ZFP1: variants seen among roughly 807,000 people sequenced by gnomAD.
ZFP1 encodes the protein zinc finger protein 1 homolog.
In ZFP1, 32 loss-of-function variants were observed where a neutral mutation model predicts 38.5. That is an observed-to-expected ratio of 0.83 (90% confidence interval 0.63 to 1.12). ZFP1 has a LOEUF of 1.12. Among genes scored for constraint, ZFP1 ranks in the 50% most tolerant of loss-of-function variants. The pLI is 0.00. For synonymous variants in ZFP1, 245 were observed against 168.8 expected, an observed-to-expected ratio of 1.45 and a Z score of -3.50; for missense variants, 616 against 480.8, an observed-to-expected ratio of 1.28 and a Z score of -2.63.
the ZFP1 span, among the ~76,000 whole-genome samples, chr16:75,121,133 GT>G: frequency 6.6e-6 from 1 of 151,626 alleles, no homozygotes; most frequent in Non-Finnish European, 1.5e-5. Context: ...AATAAAACTA[GT>G]CTCCTTATAC....
At chr16:75,166,489 A>C in intron 2 of ZFP1, 4 of 966,744 alleles carry the variant, frequency 4.1e-6, no homozygotes, top group Non-Finnish European at 4.9e-6. Flanking sequence ...CTAGCCTCCC[A>C]AAGTGCTGGG....
At chr16:75,139,248 A>C in the ZFP1 span, among the ~76,000 whole-genome samples, 1 of 151,660 alleles carries the variant, frequency 6.6e-6, no homozygotes. Flanking sequence ...GGGTGCCTGT[A>C]GTCCCAGCTA....
chr16:75,169,536 C>G lies in ZFP1; in HGVS notation c.426C>G (p.Leu142=). The change falls in exon 4 of 4, where the codon CTC becomes CTG. Residue 142 remains leucine (L), a synonymous_variant. Transcript: ENST00000570010. ...GTAATGAATTTGGAAAAGCACTTCT[C>G]TACCTGAAGCAAGAGAAAACCCACA... ...DECNEFGKAL[L]YLKQEKTHSG... is the part of the protein sequence containing the mutation. The G allele has an allele frequency of 3.1e-6, 5 of 1,612,724 alleles. No homozygotes were observed. Among genetic ancestry groups the G allele is most frequent in the Non-Finnish European group, 4.2e-6 (5 of 1,179,772 alleles).
intron 2 of ZFP1, among the ~76,000 whole-genome samples, chr16:75,161,154 G>A (rs1232808629): frequency 1.3e-5 from 2 of 152,006 alleles, no homozygotes; most frequent in African/African-American, 2.4e-5. Context: ...TGCCACCTCC[G>A]CCTTCCGGGT....
chr16:75,125,245 C>T, the ZFP1 span, among the ~76,000 whole-genome samples: 5 of 149,472 alleles, frequency 3.3e-5, no homozygotes, highest in African/African-American at 1.3e-4. Flanking sequence ...GACAACAGAG[C>T]AAGACTCTAT....
At chr16:75,125,772 G>C in the ZFP1 span, among the ~76,000 whole-genome samples, 1 of 151,934 alleles carries the variant, frequency 6.6e-6, no homozygotes, top group African/African-American at 2.4e-5. Flanking sequence ...GCCGGGTGCG[G>C]TGGCTCATGA....
At chr16:75,130,983 G>T in the ZFP1 span, among the ~76,000 whole-genome samples, 1 of 152,018 alleles carries the variant, frequency 6.6e-6, no homozygotes, top group African/African-American at 2.4e-5. Context: ...ACCTTTTAGG[G>T]CCTGATATCC....
chr16:75,166,003 T>TA (rs2038058552), intron 2 of ZFP1, among the ~76,000 whole-genome samples: 3 of 152,136 alleles, frequency 2.0e-5, no homozygotes, highest in Admixed American at 6.5e-5. Context: ...CATGTATTTT[T>TA]TAAAAAAATT....
the ZFP1 span, chr16:75,119,648 T>G: frequency 1.3e-5 from 2 of 152,350 alleles, no homozygotes; most frequent in African/African-American, 2.4e-5. Flanking sequence ...TCTTAATTTC[T>G]CCTTACCACT....
At position 75,171,605 on chromosome 16, in the gene ZFP1, A is replaced by G. The variant is rs1009028096; in HGVS notation, c.*1271A>G. Reference sequence around the variant, plus strand: ...GTAACTCAAAGATTTGCTTTTATAGACTTGATTTCAAATTCTTAAGTTCAG... The same window carrying G: ...GTAACTCAAAGATTTGCTTTTATAGGCTTGATTTCAAATTCTTAAGTTCAG... On this transcript the variant is annotated 3_prime_UTR_variant, in exon 4 of 4. Transcript: ENST00000570010. 6.6e-6 allele frequency: 1 copy of G among 152,232 alleles called. No homozygotes were observed. The highest frequency in any genetic ancestry group is 1.5e-5 in the Non-Finnish European group (1 of 68,042). The allele number at this position is 152,232 out of a possible 1,614,324, so 9.4% of individuals were successfully genotyped here.
upstream of ZFP1, among the ~76,000 whole-genome samples, chr16:75,146,162 ATTTT>A (rs201868781): frequency 4.2e-5 from 6 of 141,686 alleles, no homozygotes; most frequent in Admixed American, 7.1e-5. Context: ...AACCATGCTA[ATTTT>A]TTTTTTTTTT....
At chr16:75,164,444 G>C (rs770223699) in intron 2 of ZFP1, among the ~76,000 whole-genome samples, 1 of 152,124 alleles carries the variant, frequency 6.6e-6, no homozygotes, top group Non-Finnish European at 1.5e-5. Context: ...CCAGAAATTA[G>C]TTTAAAACAA....
intron 3 of ZFP1, among the ~76,000 whole-genome samples, chr16:75,168,199 AATT>A (rs140984174): frequency 0.053 from 8,117 of 152,250 alleles, 375 homozygotes; most frequent in African/African-American, 0.12. Flanking sequence ...GGTAGTTCTG[AATT>A]ATTTGAGAAA....
At position 75,169,799 on chromosome 16, in the gene ZFP1, A is replaced by G. The variant is rs1339181886; in HGVS notation, c.689A>G (p.His230Arg). ...TCCCATAAGGCCAACCTCATCAAAC[A>G]TCAGAGAATTCACACTGGGGAGAAA... Reference protein sequence around the residue: ...TFSHKANLIKHQRIHTGEKPF... With the variant: ...TFSHKANLIKRQRIHTGEKPF... The change falls in exon 4 of 4, where the codon CAT (histidine) becomes CGT (arginine). Residue 230 changes from histidine to arginine, a missense_variant. Coordinates refer to ENST00000570010, the MANE Select transcript of ZFP1 (RefSeq NM_153688.4). 1.9e-6 allele frequency: 3 copies of G among 1,614,124 alleles called. No homozygotes were observed. Among genetic ancestry groups the G allele is most frequent in the Non-Finnish European group, 2.5e-6 (3 of 1,180,006 alleles).
chr16:75,166,175 G>A (rs1367894955), intron 2 of ZFP1, among the ~76,000 whole-genome samples: 9 of 152,138 alleles, frequency 5.9e-5, no homozygotes, highest in Non-Finnish European at 1.0e-4. Flanking sequence ...AGCTTTATTA[G>A]CACACTGGTA....
intron 2 of ZFP1, among the ~76,000 whole-genome samples, chr16:75,160,833 A>T (rs938078582): frequency 6.6e-6 from 1 of 151,998 alleles, no homozygotes; most frequent in Non-Finnish European, 1.5e-5. Context: ...AAAAGGGCAA[A>T]AAAGGAGATG....
At chr16:75,162,845 C>G (rs958209942) in intron 2 of ZFP1, among the ~76,000 whole-genome samples, 1 of 151,570 alleles carries the variant, frequency 6.6e-6, no homozygotes, top group African/African-American at 2.4e-5. Context: ...TGATTTCATT[C>G]TTTTATATGG....
the ZFP1 span, among the ~76,000 whole-genome samples, chr16:75,136,952 C>A: frequency 2.0e-5 from 3 of 152,096 alleles, no homozygotes; most frequent in Admixed American, 2.0e-4. Flanking sequence ...ACATATATTT[C>A]TTTGCTCTGT....
the ZFP1 span, among the ~76,000 whole-genome samples, chr16:75,127,372 G>A: frequency 6.6e-6 from 1 of 151,854 alleles, no homozygotes; most frequent in South Asian, 2.1e-4. Flanking sequence ...CTCCGGCCTG[G>A]GCGACAGAGC....
Sources: allele counts gnomAD v4.1 joint callset (sites outside exome capture counted in the v4.1 genomes callset), GRCh38; gene constraint gnomAD v4.1.1; transcripts MANE v1.5; gene names NCBI Gene and HGNC (gene_info 2026-07-23, HGNC 2026-07-21).